E2F3: variants seen among roughly 807,000 people sequenced by gnomAD.
E2F3 encodes E2F transcription factor 3.
In E2F3, 11 loss-of-function variants were observed where a neutral mutation model predicts 44.4. That is an observed-to-expected ratio of 0.25 (90% CI 0.16 to 0.41). E2F3 has a LOEUF of 0.41. Among genes scored for constraint, E2F3 ranks in the 10% least tolerant of loss-of-function variants. The pLI is 1.00. For missense variants in E2F3, 487 were observed against 583.6 expected (o/e 0.83, Z 1.70); for synonymous variants, 249 against 253.0 (o/e 0.98, Z 0.15).
At chr6:20,442,248 C>A (rs761406944) in intron 1 of E2F3, among the ~76,000 whole-genome samples, 1 of 152,166 alleles carries the variant, frequency 6.6e-6, no homozygotes, top group Non-Finnish European at 1.5e-5. Flanking sequence ...GCCAACACAG[C>A]GAAGTATGCT....
intron 4 of E2F3, among the ~76,000 whole-genome samples, chr6:20,486,466 G>T (rs1762396309): frequency 6.6e-6 from 1 of 152,114 alleles, no homozygotes; most frequent in African/African-American, 2.4e-5. Context: ...TAGAGACGGG[G>T]TTTCACCGTG....
Position 20,409,596 on chromosome 6 carries a change from A to G in E2F3, c.393+6971A>G, listed in dbSNP as rs373827574. Among the ~76,000 whole-genome samples, 25 of 152,338 alleles carry G rather than the reference A, an allele frequency of 1.6e-4. No homozygotes were observed. The East Asian group carries it at 3.1e-3, about 19-fold the overall frequency. ...AGAGGTCCCCAGCCCTTGCCCAGTA[A>G]CATTGAACAAGGTGTTCTTCCTCTG... is the stretch of plus-strand genomic sequence containing the variant. On this transcript the variant is annotated intron_variant, in intron 1 of 6. Coordinates refer to ENST00000346618, the MANE Select transcript of E2F3 (RefSeq NM_001949.5).
At chr6:20,447,888 T>C (rs1305793956) in intron 1 of E2F3, among the ~76,000 whole-genome samples, 2 of 152,162 alleles carry the variant, frequency 1.3e-5, no homozygotes, top group Non-Finnish European at 2.9e-5. Context: ...CACTACCTCA[T>C]ATTAAAGGTG....
intron 1 of E2F3, among the ~76,000 whole-genome samples, chr6:20,439,761 G>A (rs190945928): frequency 3.3e-5 from 5 of 152,104 alleles, no homozygotes; most frequent in Admixed American, 1.3e-4. Flanking sequence ...CAAACTCCTG[G>A]GCTCAATCCT....
chr6:20,426,121 C>T (rs1380284076), intron 1 of E2F3, among the ~76,000 whole-genome samples: 8 of 152,132 alleles, frequency 5.3e-5, no homozygotes, highest in South Asian at 2.1e-4. Flanking sequence ...AATAGTTGTG[C>T]GGAAATACTA....
chr6:20,417,758 T>C (rs2127588475), intron 1 of E2F3, among the ~76,000 whole-genome samples: 1 of 152,238 alleles, frequency 6.6e-6, no homozygotes, highest in East Asian at 1.9e-4. Context: ...TTTGGGACGG[T>C]TTGGTAGTTC....
At chr6:20,469,414 C>T (rs1016291715) in intron 1 of E2F3, among the ~76,000 whole-genome samples, 1 of 152,106 alleles carries the variant, frequency 6.6e-6, no homozygotes, top group Non-Finnish European at 1.5e-5. Context: ...GGTGGTTCCC[C>T]CAGCAAGGTA....
In E2F3 at chr6:20,402,924, C is replaced by A. The variant is rs1479415381; in HGVS notation, c.393+299C>A. ...CTTTTCCTGCACTTTTCCCTACCCC[C>A]ACTCTCCCTTCCCCTCCAACTCGAA... On this transcript the variant is annotated intron_variant, in intron 1 of 6. Transcript: ENST00000346618. The surrounding 1 kb of genome is among the most constrained non-coding windows in gnomAD (Gnocchi z 5.6). Among the ~76,000 whole-genome samples, 1 of 152,178 alleles carries A rather than the reference C, an allele frequency of 6.6e-6. No homozygotes were observed. The highest frequency in any genetic ancestry group is 2.4e-5 in the African/African-American group (1 of 41,444).
chr6:20,472,020 C>G (rs543015392), intron 1 of E2F3, among the ~76,000 whole-genome samples: 1 of 116,422 alleles, frequency 8.6e-6, no homozygotes, highest in Non-Finnish European at 1.8e-5. Flanking sequence ...GCCTGCCCCC[C>G]CTCCAACACA....
At chr6:20,469,644 T>C (rs1761826679) in intron 1 of E2F3, among the ~76,000 whole-genome samples, 3 of 152,208 alleles carry the variant, frequency 2.0e-5, no homozygotes. Flanking sequence ...ATCCCCAAAC[T>C]AGTCCACAAA....
At chr6:20,422,700 C>T (rs769435466) in intron 1 of E2F3, among the ~76,000 whole-genome samples, 4 of 151,994 alleles carry the variant, frequency 2.6e-5, no homozygotes, top group African/African-American at 4.8e-5. Context: ...TAGGGAGGCC[C>T]GAGAAGAGGG....
intron 1 of E2F3, among the ~76,000 whole-genome samples, chr6:20,448,708 C>T (rs1761031198): frequency 6.6e-6 from 1 of 152,084 alleles, no homozygotes; most frequent in South Asian, 2.1e-4. Context: ...TATTTCTTGT[C>T]TGATCTGAGG....
chr6:20,484,335 A>G (rs1303217146), intron 4 of E2F3, among the ~76,000 whole-genome samples: 3 of 152,220 alleles, frequency 2.0e-5, no homozygotes, highest in Non-Finnish European at 4.4e-5. Context: ...TCAGTTCCCA[A>G]ATTGGTACAG....
chr6:20,458,066 G>A (rs1761373558), intron 1 of E2F3, among the ~76,000 whole-genome samples: 1 of 151,986 alleles, frequency 6.6e-6, no homozygotes, highest in Admixed American at 6.5e-5. Context: ...ACTGCCGTAG[G>A]CCTTTCTGTT....
intron 4 of E2F3, among the ~76,000 whole-genome samples, chr6:20,486,383 C>T (rs4134961): frequency 0.034 from 5,219 of 152,238 alleles, 151 homozygotes; most frequent in African/African-American, 0.075. Flanking sequence ...TGCCATTCTC[C>T]GGCCTCAGCC....
chr6:20,463,232 T>A (rs1021424739), intron 1 of E2F3, among the ~76,000 whole-genome samples: 5 of 152,172 alleles, frequency 3.3e-5, no homozygotes, highest in Non-Finnish European at 7.3e-5. Flanking sequence ...CAAATCTCTT[T>A]AAAAGATAAT....
chr6:20,457,089 G>A (rs1761330146), intron 1 of E2F3, among the ~76,000 whole-genome samples: 1 of 151,580 alleles, frequency 6.6e-6, no homozygotes, highest in African/African-American at 2.4e-5. Flanking sequence ...CACCCCCTTT[G>A]CCTACACCTA....
chr6:20,474,451 C>A (rs958754955), intron 1 of E2F3, among the ~76,000 whole-genome samples: 6 of 152,196 alleles, frequency 3.9e-5, no homozygotes, highest in African/African-American at 1.4e-4. Context: ...CTGCTTGGAA[C>A]CAAATGGCCC....
At chr6:20,403,647 A>C in intron 1 of E2F3, 1 of 509,692 alleles carries the variant, frequency 2.0e-6, no homozygotes, top group Non-Finnish European at 3.4e-6. Context: ...CTGGCCTGGG[A>C]CGGTCCCGGC....
Sources: allele counts gnomAD v4.1 joint callset (sites outside exome capture counted in the v4.1 genomes callset), GRCh38; gene constraint gnomAD v4.1.1; non-coding constraint Gnocchi (gnomAD v3.1); transcripts MANE v1.5; gene names NCBI Gene and HGNC (gene_info 2026-07-23, HGNC 2026-07-21).